LHCGR: variants seen among roughly 807,000 people sequenced by gnomAD.
The protein encoded by LHCGR is lutropin-choriogonadotropic hormone receptor.
A neutral mutation model predicts 60.7 loss-of-function variants in LHCGR; 55 were observed. The observed-to-expected ratio is 0.91, with a 90% CI of 0.73 to 1.13. The LOEUF is 1.13. Ranked by LOEUF, LHCGR falls within the 50% of genes most tolerant of loss-of-function variation. The pLI is 0.00. For missense variants in LHCGR, 862 were observed against 836.0 expected, an observed-to-expected ratio of 1.03 and a Z score of -0.38; for synonymous variants, 337 against 316.5, an observed-to-expected ratio of 1.06 and a Z score of -0.69.
intron 2 of LHCGR, among the ~76,000 whole-genome samples, chr2:48,730,795 G>T (rs942957546): frequency 2.0e-5 from 3 of 152,126 alleles, no homozygotes; most frequent in African/African-American, 7.2e-5. Context: ...TATAAATACT[G>T]TGTTTTTGTC....
At position 48,687,550 on chromosome 2, in the gene LHCGR, C is replaced by A; in HGVS notation, c.*147G>T. 1 of 657,532 alleles carries A rather than the reference C, an allele frequency of 1.5e-6. No individual in the cohort carries two copies. Among genetic ancestry groups the A allele is most frequent in the South Asian group, 1.9e-5 (1 of 53,614 alleles). The allele number at this position is 657,532 out of a possible 1,614,324, so 40.7% of individuals were successfully genotyped here. ...AGTGTGGCAGTGGTCATAGACTACA[C>A]TTTCTACTAGGTAGAGGTCTCTTGC... On this transcript the variant is annotated 3_prime_UTR_variant, in exon 11 of 11. Coordinates refer to ENST00000294954, the MANE Select transcript of LHCGR (RefSeq NM_000233.4).
intron 6 of LHCGR, among the ~76,000 whole-genome samples, chr2:48,717,163 G>C (rs1301172644): frequency 6.6e-6 from 1 of 152,216 alleles, no homozygotes; most frequent in Admixed American, 6.5e-5. Context: ...ATGAAGAAAA[G>C]ATAGCCCTTG....
At chr2:48,745,236 A>G (rs1259227185) in intron 1 of LHCGR, among the ~76,000 whole-genome samples, 1 of 152,206 alleles carries the variant, frequency 6.6e-6, no homozygotes, top group Non-Finnish European at 1.5e-5. Context: ...GAACACTTTT[A>G]CACTGTTGGT....
At chr2:48,754,034 A>C (rs1002697685) in intron 1 of LHCGR, among the ~76,000 whole-genome samples, 1 of 152,186 alleles carries the variant, frequency 6.6e-6, no homozygotes, top group Non-Finnish European at 1.5e-5. Flanking sequence ...TCTTAAGAGC[A>C]ACATGGCATG....
intron 1 of LHCGR, among the ~76,000 whole-genome samples, chr2:48,740,349 G>A (rs2103679347): frequency 6.6e-6 from 1 of 152,372 alleles, no homozygotes; most frequent in African/African-American, 2.4e-5. Context: ...CACAGCTCAA[G>A]AAGGCCTGCC....
At chr2:48,753,626 A>T (rs1558910270) in intron 1 of LHCGR, among the ~76,000 whole-genome samples, 2 of 151,278 alleles carry the variant, frequency 1.3e-5, no homozygotes, top group Admixed American at 1.3e-4. Flanking sequence ...GGGATTTTTA[A>T]AAAAAATTTA....
intron 10 of LHCGR, among the ~76,000 whole-genome samples, chr2:48,693,710 G>C (rs1388373359): frequency 2.0e-5 from 3 of 152,234 alleles, no homozygotes; most frequent in Non-Finnish European, 4.4e-5. Flanking sequence ...AGTGTTAAAA[G>C]TTAGTCAGTA....
intron 8 of LHCGR, among the ~76,000 whole-genome samples, chr2:48,707,014 C>T (rs1206777952): frequency 2.0e-5 from 3 of 152,136 alleles, no homozygotes; most frequent in Admixed American, 6.6e-5. Context: ...CTGGTTTCTC[C>T]CCATCTTTGT....
intron 9 of LHCGR, 25 bp from the exon 10 acceptor site, chr2:48,694,329 G>C (rs757961520): frequency 6.8e-7 from 1 of 1,480,110 alleles, no homozygotes; most frequent in South Asian, 1.2e-5. Flanking sequence ...GTTAAAAAAA[G>C]CATTTGAGCT....
intron 1 of LHCGR, among the ~76,000 whole-genome samples, chr2:48,731,890 C>T (rs959327350): frequency 5.3e-5 from 8 of 152,150 alleles, no homozygotes; most frequent in Non-Finnish European, 7.3e-5. Flanking sequence ...CTGTCTTTCC[C>T]AGGTAGCCTA....
rs1040463928 is a variant in LHCGR, at chr2:48,715,674, G to A, written c.537-1620C>T. Among the ~76,000 whole-genome samples, 14 of 152,134 alleles carry A rather than the reference G, an allele frequency of 9.2e-5. No individual in the cohort carries two copies. The South Asian group carries it at 1.7e-3, about 18-fold the overall frequency. On this transcript the variant is annotated intron_variant, in intron 6 of 10. Coordinates refer to ENST00000294954, the MANE Select transcript of LHCGR (RefSeq NM_000233.4). The stretch of plus-strand genomic sequence containing the variant: ...TGTGAGTATGTGTGTAACATCAACA[G>A]CATGTATGTACTCTGTGTGTATGTA...
intron 10 of LHCGR, among the ~76,000 whole-genome samples, chr2:48,692,005 C>G (rs2104371640): frequency 6.6e-6 from 1 of 152,166 alleles, no homozygotes; most frequent in South Asian, 2.1e-4. Flanking sequence ...AGTTCAGAGA[C>G]CTTTCCCCTA....
intron 1 of LHCGR, among the ~76,000 whole-genome samples, chr2:48,750,998 C>G (rs183333542): frequency 5.3e-5 from 8 of 152,294 alleles, no homozygotes; most frequent in Non-Finnish European, 7.3e-5. Flanking sequence ...GAAACCTGCT[C>G]TGGCAGAAGA....
chr2:48,745,613 G>T (rs1280917954), intron 1 of LHCGR, among the ~76,000 whole-genome samples: 1 of 146,968 alleles, frequency 6.8e-6, no homozygotes, highest in Non-Finnish European at 1.5e-5. Context: ...ACCAAACACC[G>T]CATATTCTCA....
chr2:48,725,719 T>G lies in LHCGR; in HGVS notation c.340A>C (p.Ile114Leu). 6.2e-7 allele frequency: 1 copy of G among 1,613,528 alleles called. No individual in the cohort carries two copies. ...AGATTTATAAATGCTCCGGGCTCAA[T>G]GTATCTCAGATTTTTGGTGTTCTGG... is the stretch of plus-strand genomic sequence containing the variant. ...LIQNTKNLRY[I>L]EPGAFINLPR... Residue 114 changes from isoleucine (I) to leucine (L), a missense_variant, in exon 4 of 11, where the codon ATT (isoleucine) becomes CTT (leucine). Transcript: ENST00000294954.
At chr2:48,737,139 TCTGCCCAACACA>T (rs1200941931) in intron 1 of LHCGR, among the ~76,000 whole-genome samples, 1 of 152,232 alleles carries the variant, frequency 6.6e-6, no homozygotes, top group Admixed American at 6.5e-5. Context: ...TACTTTTCCT[TCTGCCCAACACA>T]TGGCAGAAGT....
chr2:48,727,859 C>A (rs1326416885), intron 3 of LHCGR, among the ~76,000 whole-genome samples: 1 of 152,186 alleles, frequency 6.6e-6, no homozygotes, highest in African/African-American at 2.4e-5. Flanking sequence ...ACGTACTTAC[C>A]AATTAATTAT....
chr2:48,711,632 A>G (rs1558842983), intron 7 of LHCGR, among the ~76,000 whole-genome samples: 1 of 151,918 alleles, frequency 6.6e-6, no homozygotes, highest in African/African-American at 2.4e-5. Flanking sequence ...GTTTTTCCTG[A>G]CCTCACACAG....
intron 8 of LHCGR, among the ~76,000 whole-genome samples, chr2:48,705,846 C>A (rs1466950667): frequency 6.6e-6 from 1 of 152,070 alleles, no homozygotes; most frequent in Non-Finnish European, 1.5e-5. Context: ...ACTCGTTATC[C>A]AATTTTCCAG....
Sources: gnomAD v4.1 joint callset for allele counts (sites outside exome capture counted in the v4.1 genomes callset) on GRCh38, gnomAD v4.1.1 for gene constraint, MANE v1.5 for transcripts, NCBI Gene and HGNC (gene_info 2026-07-23, HGNC 2026-07-21) for gene names.